DPYD: variants seen among roughly 807,000 people sequenced by gnomAD.
DPYD encodes dihydropyrimidine dehydrogenase, also known as dihydropyrimidine dehydrogenase [NADP(+)].
DPYD carries 109 observed loss-of-function variants against 116.2 expected under a neutral mutation model. The observed-to-expected ratio is 0.94, with a 90% CI of 0.80 to 1.10. The LOEUF is 1.10. DPYD is among the 50% of genes least tolerant of loss of function. DPYD has a pLI of 0.00. For missense variants in DPYD, 1,302 were observed against 1,254.5 expected, an observed-to-expected ratio of 1.04 and a Z score of -0.57; for synonymous variants, 440 against 432.0, an observed-to-expected ratio of 1.02 and a Z score of -0.23.
At chr1:97,572,810 T>C (rs1652989879) in intron 11 of DPYD, among the ~76,000 whole-genome samples, 2 of 152,008 alleles carry the variant, frequency 1.3e-5, no homozygotes, top group Admixed American at 1.3e-4. Flanking sequence ...AGATAAAATA[T>C]CTGATGACTA....
chr1:97,102,746 C>T (rs1041912779), intron 20 of DPYD, among the ~76,000 whole-genome samples: 1 of 151,838 alleles, frequency 6.6e-6, no homozygotes, highest in Non-Finnish European at 1.5e-5. Flanking sequence ...CAGTGTAGTA[C>T]AAATTATCAT....
intron 20 of DPYD, among the ~76,000 whole-genome samples, chr1:97,104,488 C>A (rs572134366): frequency 4.9e-4 from 74 of 152,076 alleles, no homozygotes; most frequent in African/African-American, 1.7e-3. Context: ...AATTGCAATA[C>A]CCTGTGGGCT....
At position 97,082,453 on chromosome 1, in the gene DPYD, T is replaced by TG; in HGVS notation, c.2783dup (p.Leu929ThrfsTer9). The TG allele has an allele frequency of 6.2e-7, 1 of 1,613,558 alleles. No homozygotes were observed. The highest frequency in any genetic ancestry group is 8.5e-7 in the Non-Finnish European group (1 of 1,179,592). On this transcript the variant is annotated frameshift_variant, in exon 22 of 23. Coordinates refer to ENST00000370192, the MANE Select transcript of DPYD (RefSeq NM_000110.4). LOFTEE classifies it high-confidence loss of function. ...CACCAAATGTTCCAAGGTACTGCAG[T>TG]GCTTTTCCTATTACATCCTAAAAAT...
chr1:97,311,025 AG>A (rs1667481920), intron 16 of DPYD, among the ~76,000 whole-genome samples: 1 of 151,818 alleles, frequency 6.6e-6, no homozygotes, highest in African/African-American at 2.4e-5. Flanking sequence ...AAATTCTGTA[AG>A]AGGAAAAACC....
chr1:97,541,538 T>A (rs1230142470), intron 12 of DPYD, among the ~76,000 whole-genome samples: 2 of 152,178 alleles, frequency 1.3e-5, no homozygotes, highest in Non-Finnish European at 2.9e-5. Flanking sequence ...CTGGCTATTT[T>A]ATTTAAAAAC....
At chr1:97,527,623 A>C (rs971888330) in intron 12 of DPYD, among the ~76,000 whole-genome samples, 1 of 152,098 alleles carries the variant, frequency 6.6e-6, no homozygotes, top group African/African-American at 2.4e-5. Flanking sequence ...TTTATTATTA[A>C]ATTATTACTC....
intron 3 of DPYD, among the ~76,000 whole-genome samples, chr1:97,759,997 T>A (rs1665483220): frequency 6.6e-6 from 1 of 152,122 alleles, no homozygotes; most frequent in South Asian, 2.1e-4. Flanking sequence ...AAGATAAATG[T>A]CCCATAGAAA....
intron 5 of DPYD, among the ~76,000 whole-genome samples, chr1:97,715,029 G>C (rs1662532426): frequency 6.6e-6 from 1 of 152,102 alleles, no homozygotes; most frequent in Non-Finnish European, 1.5e-5. Context: ...ACATTATTTG[G>C]AGAGTTATTC....
intron 19 of DPYD, among the ~76,000 whole-genome samples, chr1:97,202,327 A>G (rs1231206381): frequency 6.6e-6 from 1 of 152,156 alleles, no homozygotes; most frequent in Non-Finnish European, 1.5e-5. Flanking sequence ...CTGAAACGAT[A>G]AATTCTCTGA....
rs187073894 is a variant in DPYD, at chr1:97,529,408, C to T, written c.1525-13467G>A. 1.2e-4 allele frequency among the ~76,000 whole-genome samples: 19 copies of T among 152,164 alleles called. No individual in the cohort carries two copies. In the East Asian group the frequency reaches 2.1e-3, roughly 17 times the overall value. ...ATTTTATTTATTAATGGTTAAAAAA[C>T]GGCTTCACTAAACATTGTTTTGTTA... On this transcript the variant is annotated intron_variant, in intron 12 of 22. Transcript: ENST00000370192.
chr1:97,306,112 G>C, intron 17 of DPYD, 65 bp downstream of exon 17: 1 of 1,607,874 alleles, frequency 6.2e-7, no homozygotes, highest in South Asian at 1.1e-5. Flanking sequence ...ACATACTTGA[G>C]TATGGCTACA....
chr1:97,724,293 TGGGGGGGG>T (rs71883710), intron 4 of DPYD, among the ~76,000 whole-genome samples: 13 of 21,810 alleles, frequency 6.0e-4, no homozygotes, highest in East Asian at 1.9e-3. Context: ...AGGATGTATG[TGGGGGGGG>T]GGGGGGGTGT....
intron 3 of DPYD, among the ~76,000 whole-genome samples, chr1:97,747,192 A>G (rs1426805953): frequency 1.3e-5 from 2 of 152,198 alleles, no homozygotes; most frequent in African/African-American, 2.4e-5. Flanking sequence ...TTATATATCA[A>G]TAATACAGAA....
chr1:97,227,186 G>A (rs1039479839), intron 19 of DPYD, among the ~76,000 whole-genome samples: 1 of 151,736 alleles, frequency 6.6e-6, no homozygotes, highest in Non-Finnish European at 1.5e-5. Context: ...TTAGCTGGAT[G>A]TGGTGGCACG....
chr1:97,082,848 G>A (rs1352327647), intron 21 of DPYD, among the ~76,000 whole-genome samples: 1 of 152,054 alleles, frequency 6.6e-6, no homozygotes, highest in Non-Finnish European at 1.5e-5. Context: ...AGTGACAAAG[G>A]GTAATACACT....
chr1:97,250,975 C>G (rs79240513), intron 18 of DPYD, among the ~76,000 whole-genome samples: 160 of 152,232 alleles, frequency 1.1e-3, no homozygotes, highest in Non-Finnish European at 1.9e-3. Context: ...TAAGAAGTAG[C>G]AAAATGTCCA....
chr1:97,639,107 T>C (rs1276534244), intron 8 of DPYD, among the ~76,000 whole-genome samples: 1 of 152,184 alleles, frequency 6.6e-6, no homozygotes, highest in East Asian at 1.9e-4. Flanking sequence ...AGGCAGAAGA[T>C]ATACAGACAC....
chr1:97,167,847 G>T (rs189871695), intron 20 of DPYD, among the ~76,000 whole-genome samples: 1 of 152,216 alleles, frequency 6.6e-6, no homozygotes, highest in East Asian at 1.9e-4. Context: ...AGAGTAAAGA[G>T]CCTGCATTTT....
intron 16 of DPYD, among the ~76,000 whole-genome samples, chr1:97,329,838 C>T (rs1020633383): frequency 2.0e-5 from 3 of 147,050 alleles, no homozygotes; most frequent in African/African-American, 7.6e-5. Flanking sequence ...TGTTTGAACA[C>T]AGATTCACAA....
Sources: allele counts gnomAD v4.1 joint callset (sites outside exome capture counted in the v4.1 genomes callset), GRCh38; gene constraint gnomAD v4.1.1; transcripts MANE v1.5; gene names NCBI Gene and HGNC (gene_info 2026-07-23, HGNC 2026-07-21).